Variants in SDK1 observed in about 807,000 individuals in gnomAD.
The protein encoded by SDK1 is protein sidekick-1.
Under a neutral mutation model 245.5 loss-of-function variants are expected in SDK1, and 157 were observed. The ratio of observed to expected loss-of-function variants is 0.64; its 90% CI spans 0.56 to 0.73. SDK1 has a LOEUF of 0.73. Ranked by LOEUF, SDK1 falls within the 30% of genes least tolerant of loss-of-function variation. The pLI is 0.00. For synonymous variants in SDK1, 1,647 were observed against 1,278.5 expected, an observed-to-expected ratio of 1.29 and a Z score of -6.15; for missense variants, 3,583 against 3,002.3, an observed-to-expected ratio of 1.19 and a Z score of -4.52.
intron 1 of SDK1, among the ~76,000 whole-genome samples, chr7:3,353,109 T>C (rs1323092771): frequency 6.6e-6 from 1 of 152,232 alleles, no homozygotes; most frequent in African/African-American, 2.4e-5. Context: ...CCTGCAGCAA[T>C]TCTATTTCTA....
chr7:3,581,612 G>A (rs1321987686), intron 1 of SDK1, among the ~76,000 whole-genome samples: 2 of 152,166 alleles, frequency 1.3e-5, no homozygotes, highest in East Asian at 3.9e-4. Context: ...GCTAAAAACA[G>A]AACTACCATT....
Position 3,817,799 on chromosome 7 carries a change from A to G in SDK1, c.714-3651A>G, listed in dbSNP as rs542242715. On this transcript the variant is annotated intron_variant, in intron 4 of 44. Transcript: ENST00000404826. ...TTCATCTTTTCTGAAATAGAGAACT[A>G]TGATTTTGCCTAGCACCTCAGGAGA... is the stretch of plus-strand genomic sequence containing the variant. Among the ~76,000 whole-genome samples, 4 of 152,310 alleles carry G rather than the reference A, an allele frequency of 2.6e-5. No homozygotes were observed. In the East Asian group the frequency reaches 5.8e-4, roughly 22 times the overall value.
intron 14 of SDK1, among the ~76,000 whole-genome samples, chr7:4,007,548 A>G (rs994803274): frequency 6.6e-6 from 1 of 151,974 alleles, no homozygotes; most frequent in Non-Finnish European, 1.5e-5. Flanking sequence ...AATGTATGTG[A>G]TTTCATACTC....
intron 5 of SDK1, among the ~76,000 whole-genome samples, chr7:3,839,620 A>G (rs1055900458): frequency 9.8e-5 from 15 of 152,346 alleles, no homozygotes; most frequent in African/African-American, 2.9e-4. Flanking sequence ...CACTTTTTCA[A>G]TTTACCTAGA....
chr7:4,151,816 G>C (rs1014281168), intron 30 of SDK1, among the ~76,000 whole-genome samples: 8 of 152,194 alleles, frequency 5.3e-5, no homozygotes, highest in African/African-American at 1.9e-4. Context: ...CTTAAGTAAC[G>C]CATATGCAGG....
chr7:3,433,725 T>A (rs1185606895), intron 1 of SDK1, among the ~76,000 whole-genome samples: 1 of 152,062 alleles, frequency 6.6e-6, no homozygotes, highest in Non-Finnish European at 1.5e-5. Flanking sequence ...TTCAGAAAAA[T>A]TTTAAGAGCA....
At chr7:3,655,241 C>T (rs950651725) in intron 4 of SDK1, among the ~76,000 whole-genome samples, 13 of 151,136 alleles carry the variant, frequency 8.6e-5, no homozygotes, top group African/African-American at 3.2e-4. Context: ...CAAGACCAGC[C>T]TGACCAACAT....
intron 9 of SDK1, among the ~76,000 whole-genome samples, chr7:3,965,420 C>T (rs923943311): frequency 1.3e-5 from 2 of 152,252 alleles, no homozygotes; most frequent in African/African-American, 2.4e-5. Context: ...ACTGTTACCA[C>T]GGCAGTGAGT....
chr7:3,553,970 C>T (rs543145412), intron 1 of SDK1, among the ~76,000 whole-genome samples: 61 of 152,258 alleles, frequency 4.0e-4, no homozygotes, highest in Admixed American at 3.6e-3. Flanking sequence ...TGCAAAGGCT[C>T]TGAAAATTAA....
chr7:3,913,947 C>G (rs1033443173), intron 5 of SDK1, among the ~76,000 whole-genome samples: 2 of 152,150 alleles, frequency 1.3e-5, no homozygotes, highest in Non-Finnish European at 2.9e-5. Flanking sequence ...GCGCCAGGGC[C>G]CAGGGCTGAC....
chr7:4,111,986 T>C (rs1783380548), intron 23 of SDK1, among the ~76,000 whole-genome samples: 1 of 152,212 alleles, frequency 6.6e-6, no homozygotes, highest in African/African-American at 2.4e-5. Flanking sequence ...CTGGATGGAA[T>C]CACAGAGTGT....
chr7:3,733,360 C>T (rs954937160), intron 4 of SDK1, among the ~76,000 whole-genome samples: 2 of 152,104 alleles, frequency 1.3e-5, no homozygotes, highest in Non-Finnish European at 1.5e-5. Flanking sequence ...TTATCTGTAG[C>T]GTCTCATTCA....
At chr7:4,248,633 CAT>C (rs775047459) in intron 44 of SDK1, among the ~76,000 whole-genome samples, 134 of 151,892 alleles carry the variant, frequency 8.8e-4, no homozygotes, top group African/African-American at 2.5e-3. Flanking sequence ...AATACACACA[CAT>C]GTACACATAC....
chr7:3,531,187 A>G (rs1195935181), intron 1 of SDK1, among the ~76,000 whole-genome samples: 1 of 152,148 alleles, frequency 6.6e-6, no homozygotes, highest in Non-Finnish European at 1.5e-5. Flanking sequence ...TTTGCAGTTG[A>G]TCTTCAGTGT....
At chr7:4,079,287 T>G (rs1220954167) in intron 21 of SDK1, among the ~76,000 whole-genome samples, 176 bp from the exon 22 acceptor site, 1 of 152,238 alleles carries the variant, frequency 6.6e-6, no homozygotes, top group Non-Finnish European at 1.5e-5. Flanking sequence ...AACCATGCAC[T>G]GATCATGCCC....
intron 5 of SDK1, among the ~76,000 whole-genome samples, chr7:3,903,812 G>C (rs1285809303): frequency 6.6e-6 from 1 of 152,090 alleles, no homozygotes; most frequent in African/African-American, 2.4e-5. Flanking sequence ...CACGGAAGTG[G>C]GTCCCTCATG....
chr7:3,699,778 G>C (rs897135900), intron 4 of SDK1, among the ~76,000 whole-genome samples: 1 of 152,120 alleles, frequency 6.6e-6, no homozygotes, highest in Non-Finnish European at 1.5e-5. Context: ...TGGCAAATTC[G>C]TTGAAGAATT....
chr7:4,109,452 C>A (rs1479790394), intron 22 of SDK1, among the ~76,000 whole-genome samples: 7 of 152,242 alleles, frequency 4.6e-5, no homozygotes, highest in Non-Finnish European at 1.0e-4. Context: ...GAGCACGTTT[C>A]CTATCCTGTC....
At chr7:3,422,283 T>A (rs1041178349) in intron 1 of SDK1, among the ~76,000 whole-genome samples, 1 of 151,980 alleles carries the variant, frequency 6.6e-6, no homozygotes, top group African/African-American at 2.4e-5. Flanking sequence ...TAACTTTGAA[T>A]CCTTTCAGGA....
Sources: gnomAD v4.1 joint callset for allele counts (sites outside exome capture counted in the v4.1 genomes callset) on GRCh38, gnomAD v4.1.1 for gene constraint, MANE v1.5 for transcripts, NCBI Gene and HGNC (gene_info 2026-07-23, HGNC 2026-07-21) for gene names.